The following UBE2C variants were observed in gnomAD, a reference collection of about 807,000 sequenced individuals.
UBE2C encodes ubiquitin conjugating enzyme E2 C.
Under a neutral mutation model 23.5 loss-of-function variants are expected in UBE2C, and 16 were observed. That is an observed-to-expected ratio of 0.68 (90% CI 0.46 to 1.03). The LOEUF (loss-of-function observed/expected upper bound fraction) is 1.03, where lower values mean the gene tolerates loss of function less well. UBE2C is among the 50% of genes least tolerant of loss of function. UBE2C has a pLI of 0.00. For synonymous variants in UBE2C, 76 were observed against 91.6 expected (o/e 0.83, Z 0.97); for missense variants, 192 against 227.6 (o/e 0.84, Z 1.01).
intron 1 of UBE2C, 83 bp downstream of exon 1, chr20:45,812,879 C>T: frequency 6.8e-7 from 1 of 1,465,876 alleles, no homozygotes; most frequent in Non-Finnish European, 9.0e-7. Flanking sequence ...GGACCACCCC[C>T]CGCCGCCACC....
chr20:45,812,754 C>T lies in UBE2C; in HGVS notation c.59C>T (p.Ala20Val). The T allele has an allele frequency of 1.3e-6, 2 of 1,558,240 alleles. No homozygotes were observed. Among genetic ancestry groups the T allele is most frequent in the South Asian group, 1.2e-5 (1 of 84,666 alleles). ...AGCGTCGCCGCCGCCCGTAAAGGAG[C>T]TGAGCCGAGCGGGGGCGCCGCCCGG... is the stretch of plus-strand genomic sequence containing the variant. ...ATSVAAARKG[A>V]EPSGGAARGP... The change falls in exon 1 of 6, where the codon GCT becomes GTT. Residue 20 changes from alanine to valine, a missense_variant. By Grantham distance (64) the Ala-to-Val change is moderately conservative. Transcript: ENST00000356455.
rs1313636957 is a variant in UBE2C, at chr20:45,815,857, C to G, written c.425C>G (p.Pro142Arg). The change falls in exon 5 of 6, where the codon CCC (proline) becomes CGC (arginine). Residue 142 changes from proline to arginine, a missense_variant. Pro to Arg is a moderately radical substitution (Grantham distance 103, BLOSUM62 -2). Coordinates refer to ENST00000356455, the MANE Select transcript of UBE2C (RefSeq NM_007019.4). The stretch of plus-strand genomic sequence containing the variant: ...TTCTCTTTCTCTCCACCCACAGAAC[C>G]CAACATTGATAGTCCCTTGAACACA... ...LLSIQSLLGE[P>R]NIDSPLNTHA... 1 of 1,614,114 alleles carries G rather than the reference C, an allele frequency of 6.2e-7. No individual in the cohort carries two copies. Among genetic ancestry groups the G allele is most frequent in the Admixed American group, 1.7e-5 (1 of 60,002 alleles).
intron 5 of UBE2C, 48 bp from the exon 6 acceptor site, chr20:45,816,661 A>T: frequency 5.2e-6 from 8 of 1,548,064 alleles, no homozygotes; most frequent in Non-Finnish European, 7.1e-6. Context: ...GTAAAGATTA[A>T]CTCATCCTGT....
chr20:45,813,121 T>A, intron 1 of UBE2C: 5 of 1,397,596 alleles, frequency 3.6e-6, no homozygotes, highest in Non-Finnish European at 4.6e-6. Context: ...TGGGCCTAGA[T>A]GAAGACGCTC....
At chr20:45,812,846 G>T (rs867481902) in intron 1 of UBE2C, 50 bp downstream of exon 1, 4 of 1,516,606 alleles carry the variant, frequency 2.6e-6, no homozygotes, top group Non-Finnish European at 1.8e-6. Flanking sequence ...CCTAGGCATT[G>T]GTACCCAGAG....
chr20:45,813,394 G>C, intron 1 of UBE2C, 43 bp from the exon 2 acceptor site: 1 of 1,613,970 alleles, frequency 6.2e-7, no homozygotes, highest in Non-Finnish European at 8.5e-7. Context: ...TGGAGGCCTG[G>C]CCCATCCAGA....
intron 1 of UBE2C, 169 bp from the exon 2 acceptor site, chr20:45,813,268 G>T (rs375882251): frequency 1.3e-6 from 2 of 1,518,782 alleles, no homozygotes; most frequent in South Asian, 2.7e-5. Context: ...GTGAGGACTC[G>T]CTAGGATCGT....
rs747624674 is a variant in UBE2C, at chr20:45,815,711, G to A, written c.387G>A (p.Arg129=). The change falls in exon 4 of 6, where the codon AGG becomes AGA. Residue 129 remains arginine (R), a synonymous_variant. Transcript: ENST00000356455. The part of the protein sequence containing the change: ...KEKWSALYDV[R]TILLSIQSLL... ...AGTGGTCTGCCCTGTATGATGTCAG[G>A]ACCATTCTGCTCTCCATCCAGAGCC... The A allele has an allele frequency of 6.2e-6, 10 of 1,613,896 alleles. No individual in the cohort carries two copies. The highest frequency in any genetic ancestry group is 1.1e-5 in the South Asian group (1 of 91,072).
At chr20:45,815,354 A>G (rs193140601) in intron 3 of UBE2C, 187 bp from the exon 4 acceptor site, 4 of 1,560,898 alleles carry the variant, frequency 2.6e-6, no homozygotes, top group African/African-American at 1.4e-5. Flanking sequence ...CCCTGTCTCT[A>G]AAATAAAAAC....
At chr20:45,816,414 T>A (rs1433235478) in intron 5 of UBE2C, among the ~76,000 whole-genome samples, 1 of 152,122 alleles carries the variant, frequency 6.6e-6, no homozygotes, top group African/African-American at 2.4e-5. Flanking sequence ...GGTGGGTGGA[T>A]CACATGAGGT....
intron 5 of UBE2C, among the ~76,000 whole-genome samples, 162 bp from the exon 6 acceptor site, chr20:45,816,547 G>A (rs554944919): frequency 2.6e-5 from 4 of 152,230 alleles, no homozygotes; most frequent in Non-Finnish European, 5.9e-5. Context: ...TGAGGCAAGA[G>A]AATCACTTGA....
Sources: allele counts gnomAD v4.1 joint callset (sites outside exome capture counted in the v4.1 genomes callset), GRCh38; gene constraint gnomAD v4.1.1; transcripts MANE v1.5; gene names NCBI Gene and HGNC (gene_info 2026-07-23, HGNC 2026-07-21).